The following GPR153 variants were observed in gnomAD, a reference collection of about 807,000 sequenced individuals.
The protein encoded by GPR153 is probable G protein-coupled receptor 153.
GPR153 carries 27 observed loss-of-function variants against 34.1 expected under a neutral mutation model. The ratio of observed to expected loss-of-function variants is 0.79; its 90% CI spans 0.58 to 1.09. The LOEUF is 1.09. Among genes scored for constraint, GPR153 ranks in the 50% least tolerant of loss-of-function variants. GPR153 has a pLI of 0.00. For missense variants in GPR153, 848 were observed against 860.2 expected (o/e 0.99, Z 0.18); for synonymous variants, 408 against 405.4 (o/e 1.01, Z -0.08).
chr1:6,255,107 A>G, intron 1 of GPR153, 93 bp from the exon 2 acceptor site: 1 of 464,932 alleles, frequency 2.2e-6, no homozygotes, highest in East Asian at 3.3e-5. Flanking sequence ...GGCGAGCGCT[A>G]CACTTTGAAT....
At chr1:6,258,328 C>G (rs1287511590) in intron 1 of GPR153, among the ~76,000 whole-genome samples, 1 of 152,160 alleles carries the variant, frequency 6.6e-6, no homozygotes, top group African/African-American at 2.4e-5. Context: ...GAGGTTTCAT[C>G]ATGTTGGCCA....
rs1449242959 is a variant in GPR153 at position 6,251,564 on chromosome 1, G to A, written c.787-34C>T. On this transcript the variant is annotated intron_variant, in intron 3 of 5. Transcript: ENST00000377893. This position sits in a 1 kb window ranked among gnomAD's most constrained non-coding sequence, Gnocchi z 4.9. ...ACAGGGCTCGGCCTGGCACCTGCAGGACCCCCCACCATCACACAAGCTCCC... is the reference window on the plus strand; with the variant it reads ...ACAGGGCTCGGCCTGGCACCTGCAGAACCCCCCACCATCACACAAGCTCCC... The A allele has an allele frequency of 1.3e-6, 2 of 1,532,334 alleles. No homozygotes were observed. Among genetic ancestry groups the A allele is most frequent in the Non-Finnish European group, 1.7e-6 (2 of 1,143,324 alleles). 94.9% of individuals were successfully genotyped at this position (1,532,334 alleles called of 1,614,324 possible).
chr1:6,257,539 T>G (rs967901659), intron 1 of GPR153, among the ~76,000 whole-genome samples: 1 of 152,130 alleles, frequency 6.6e-6, no homozygotes, highest in Non-Finnish European at 1.5e-5. Context: ...GAGGCTGAGG[T>G]GGACAGGAGC....
At chr1:6,258,774 CCA>C (rs562693574) in intron 1 of GPR153, among the ~76,000 whole-genome samples, 1 of 152,274 alleles carries the variant, frequency 6.6e-6, no homozygotes, top group South Asian at 2.1e-4. Context: ...CCTCAGATGC[CCA>C]ACAAGCTCTG....
chr1:6,249,812 C>A lies in GPR153; in HGVS notation c.1356G>T (p.Ala452=). The part of the protein sequence containing the change: ...AFAEDAPPSR[A]RRRSAESLLS... ...GCAGGCTCTCGGCCGAGCGGCGGCG[C>A]GCGCGGGACGGTGGTGCGTCCTCCG... The change falls in exon 6 of 6, where the codon GCG becomes GCT. Residue 452 remains alanine (A), a synonymous_variant. Transcript: ENST00000377893. The surrounding 1 kb of genome is among the most constrained non-coding windows in gnomAD (Gnocchi z 4.3). 1 of 1,200,910 alleles carries A rather than the reference C, an allele frequency of 8.3e-7. No homozygotes were observed. Among genetic ancestry groups the A allele is most frequent in the Non-Finnish European group, 1.0e-6 (1 of 968,756 alleles). 74.4% of individuals were successfully genotyped at this position (1,200,910 alleles called of 1,614,324 possible).
chr1:6,260,388 C>G lies in GPR153; in HGVS notation c.-110+437G>C, dbSNP rs1361089579. On this transcript the variant is annotated intron_variant, in intron 1 of 5. Coordinates refer to ENST00000377893, the MANE Select transcript of GPR153 (RefSeq NM_207370.4). Reference sequence around the variant, plus strand: ...CCTGGGGCTCCGATCCCCCCCCCCCCCCGCAATCCCCGCTCCGACTCGCGT... The same window carrying G: ...CCTGGGGCTCCGATCCCCCCCCCCCGCCGCAATCCCCGCTCCGACTCGCGT... Among the ~76,000 whole-genome samples the G allele has an allele frequency of 7.7e-5, 11 of 143,296 alleles. No individual in the cohort carries two copies. In the East Asian group the frequency reaches 8.2e-4, roughly 11 times the overall value. The allele number at this position is 143,296 out of a possible 152,430, so 94.0% of individuals were successfully genotyped here.
chr1:6,249,410 G>A lies in GPR153; in HGVS notation c.1758C>T (p.Ser586=), dbSNP rs1571236148. ...AGGACTCGGAGGGGGAACTCAGGAA[G>A]CTGCTGGTGCTGCCGCCGCCGCCCG... ...RAAGGGGSTS[S]FLSSPSESSG... Residue 586 remains serine, a synonymous_variant, in exon 6 of 6, where the codon AGC becomes AGT. Transcript: ENST00000377893. This position sits in a 1 kb window ranked among gnomAD's most constrained non-coding sequence, Gnocchi z 4.3. 1.5e-6 allele frequency: 2 copies of A among 1,376,056 alleles called. No individual in the cohort carries two copies. Among genetic ancestry groups the A allele is most frequent in the Non-Finnish European group, 1.9e-6 (2 of 1,069,434 alleles). The allele number at this position is 1,376,056 out of a possible 1,614,324, so 85.2% of individuals were successfully genotyped here.
intron 1 of GPR153, among the ~76,000 whole-genome samples, chr1:6,255,642 GTTT>G (rs59403526): frequency 2.6e-5 from 1 of 38,850 alleles, no homozygotes; most frequent in Non-Finnish European, 4.4e-5. Flanking sequence ...GCCTGGCTAC[GTTT>G]TTTTTTTTTT....
Position 6,249,207 on chromosome 1 carries a change from A to G in GPR153, c.*131T>C. 1 of 643,864 alleles carries G rather than the reference A, an allele frequency of 1.6e-6. No individual in the cohort carries two copies. Among genetic ancestry groups the G allele is most frequent in the Non-Finnish European group, 2.2e-6 (1 of 453,556 alleles). The allele number at this position is 643,864 out of a possible 1,614,324, so 39.9% of individuals were successfully genotyped here. ...GGGAGGAGCCGGAAGACAAACGCTG[A>G]GGCCAACGCCCCCTCACCCCTGGGA... On this transcript the variant is annotated 3_prime_UTR_variant, in exon 6 of 6. Transcript: ENST00000377893. This position sits in a 1 kb window ranked among gnomAD's most constrained non-coding sequence, Gnocchi z 4.3.
intron 1 of GPR153, among the ~76,000 whole-genome samples, chr1:6,256,394 A>G (rs1355231804): frequency 6.8e-6 from 1 of 146,650 alleles, no homozygotes; most frequent in Non-Finnish European, 1.5e-5. Context: ...TTTTTTAGAC[A>G]GAGTCTTGCT....
At chr1:6,260,088 G>A (rs1638637464) in intron 1 of GPR153, among the ~76,000 whole-genome samples, 1 of 152,190 alleles carries the variant, frequency 6.6e-6, no homozygotes. Context: ...CGCAAGACAT[G>A]CGGGCGGGGC....
In GPR153 at chr1:6,253,832, G is replaced by A. The variant is rs1638501533; in HGVS notation, c.672C>T (p.Gly224=). The change falls in exon 3 of 6, where the codon GGC becomes GGT. Residue 224 remains glycine, a synonymous_variant. Transcript: ENST00000377893. ...VPTIVVEDAQ[G]KRRSSIDGSE... ...AGCCATCGATGGAGGAGCGCCGCTT[G>A]CCCTGCGCGTCCTCCACCACGATGG... The A allele has an allele frequency of 1.3e-5, 20 of 1,598,776 alleles. No individual in the cohort carries two copies. Among genetic ancestry groups the A allele is most frequent in the Non-Finnish European group, 1.7e-5 (20 of 1,170,066 alleles).
intron 1 of GPR153, among the ~76,000 whole-genome samples, chr1:6,259,640 T>C (rs1488195660): frequency 6.6e-6 from 1 of 151,880 alleles, no homozygotes; most frequent in Admixed American, 6.6e-5. Flanking sequence ...AGGGCTGGGT[T>C]TGGGGCCAGG....
chr1:6,254,748 T>C lies in GPR153; in HGVS notation c.158A>G (p.His53Arg). The C allele has an allele frequency of 6.2e-7, 1 of 1,613,748 alleles. No homozygotes were observed. The highest frequency in any genetic ancestry group is 1.7e-5 in the Admixed American group (1 of 59,996). Reference protein sequence around the residue: ...EFLLCTLAATHMLNVAVPIAT... With the variant: ...EFLLCTLAATRMLNVAVPIAT... ...GATGGGCACGGCCACATTTAGCATG[T>C]GGGTGGCCGCGAGTGTACACAGCAG... The change falls in exon 2 of 6, where the codon CAC becomes CGC. Residue 53 changes from histidine to arginine, a missense_variant. Coordinates refer to ENST00000377893, the MANE Select transcript of GPR153 (RefSeq NM_207370.4).
At chr1:6,256,627 C>T (rs547948955) in intron 1 of GPR153, among the ~76,000 whole-genome samples, 2 of 152,280 alleles carry the variant, frequency 1.3e-5, no homozygotes, top group African/African-American at 4.8e-5. Context: ...ACTTCAGCCT[C>T]CCAAAGTGCT....
At chr1:6,253,651 G>A (rs1040485689) in intron 3 of GPR153, 67 bp downstream of exon 3, 17 of 1,369,004 alleles carry the variant, frequency 1.2e-5, no homozygotes, top group Admixed American at 7.0e-5. Flanking sequence ...ACCACCTGAT[G>A]CCTGGAGTAT....
At chr1:6,256,494 A>T (rs772717050) in intron 1 of GPR153, among the ~76,000 whole-genome samples, 1 of 151,278 alleles carries the variant, frequency 6.6e-6, no homozygotes, top group Non-Finnish European at 1.5e-5. Context: ...CTCAGCCCCG[A>T]GTGGCTGGGA....
chr1:6,256,549 T>C (rs933516841), intron 1 of GPR153, among the ~76,000 whole-genome samples: 1 of 152,002 alleles, frequency 6.6e-6, no homozygotes, highest in Non-Finnish European at 1.5e-5. Context: ...TTTGTATTTT[T>C]AGTAGTAACA....
chr1:6,255,650 T>TTG (rs1638552915), intron 1 of GPR153, among the ~76,000 whole-genome samples: 2 of 124,154 alleles, frequency 1.6e-5, no homozygotes, highest in Non-Finnish European at 3.3e-5. Flanking sequence ...ACGTTTTTTT[T>TTG]TTTTTTTTTT....
Sources: allele counts gnomAD v4.1 joint callset (sites outside exome capture counted in the v4.1 genomes callset), GRCh38; gene constraint gnomAD v4.1.1; non-coding constraint Gnocchi (gnomAD v3.1); transcripts MANE v1.5; gene names NCBI Gene and HGNC (gene_info 2026-07-23, HGNC 2026-07-21).